Variants in ARHGAP4 observed in about 807,000 individuals in gnomAD.
ARHGAP4 encodes the protein Rho GTPase activating protein 4, also known as rho GTPase-activating protein 4.
ARHGAP4 carries 25 observed loss-of-function variants against 67.6 expected under a neutral mutation model. That is an observed-to-expected ratio of 0.37 (90% CI 0.27 to 0.52). The LOEUF (loss-of-function observed/expected upper bound fraction) is 0.52, where lower values mean the gene tolerates loss of function less well. ARHGAP4 is among the 20% of genes least tolerant of loss of function. ARHGAP4 has a pLI of 0.92. For synonymous variants in ARHGAP4, 448 were observed against 373.7 expected, an observed-to-expected ratio of 1.20 and a Z score of -2.29; for missense variants, 804 against 854.6, an observed-to-expected ratio of 0.94 and a Z score of 0.74.
In ARHGAP4 at chrX:153,907,590, C is replaced by T. The variant is rs1444054074; in HGVS notation, c.*139G>A. ...GAGCGGGCATCCCTGTGTGCACGGC[C>T]CCATCCCACCTCTCTGCACAGGGTG... is the stretch of plus-strand genomic sequence containing the variant. On this transcript the variant is annotated 3_prime_UTR_variant, in exon 22 of 22. Coordinates refer to ENST00000350060, the MANE Select transcript of ARHGAP4 (RefSeq NM_001666.5). 2 of 369,232 alleles carry T rather than the reference C, an allele frequency of 5.4e-6. No homozygotes were observed. The highest frequency in any genetic ancestry group is 5.1e-5 in the African/African-American group (2 of 39,026). The allele number at this position is 369,232 out of a possible 1,213,427, so 30.4% of individuals were successfully genotyped here.
At position 153,921,631 on chromosome X, in the gene ARHGAP4, C is replaced by G; in HGVS notation, c.246G>C (p.Gly82=). 8.3e-7 allele frequency: 1 copy of G among 1,209,613 alleles called. No individual in the cohort carries two copies. The highest frequency in any genetic ancestry group is 1.1e-6 in the Non-Finnish European group (1 of 894,799). ...ERFSSRGGRL[G]SSREHQSFRK... is the part of the protein sequence containing the mutation. ...GGAAGCTTTGGTGCTCCCGGCTGCT[C>G]CCCAGGCGGCCTCCACGGCTGGAGA... The change falls in exon 2 of 22, where the codon GGG becomes GGC. Residue 82 remains glycine, a synonymous_variant. Coordinates refer to ENST00000350060, the MANE Select transcript of ARHGAP4 (RefSeq NM_001666.5).
intron 15 of ARHGAP4, 34 bp downstream of exon 15, chrX:153,910,666 G>A (rs1557102921): frequency 8.5e-7 from 1 of 1,178,718 alleles, no homozygotes; most frequent in Non-Finnish European, 1.1e-6. Context: ...CCCAGCAAGT[G>A]CCCTACCCCG....
Position 153,918,907 on chromosome X carries a change from G to C in ARHGAP4, c.957C>G (p.Ala319=), listed in dbSNP as rs782617988. 1 of 1,210,790 alleles carries C rather than the reference G, an allele frequency of 8.3e-7. No homozygotes were observed. The highest frequency in any genetic ancestry group is 1.1e-6 in the Non-Finnish European group (1 of 895,324). ...VEALDPPGDK[A]KVLEVHATVF... is the part of the protein sequence containing the mutation. Reference sequence around the variant, plus strand: ...CGGTAGCATGCACCTCGAGAACCTTGGCTTTGTCCCCTGGAGGATCCAGGG... The same window carrying C: ...CGGTAGCATGCACCTCGAGAACCTTCGCTTTGTCCCCTGGAGGATCCAGGG... Residue 319 remains alanine (A), a synonymous_variant, in exon 7 of 22, where the codon GCC becomes GCG. Transcript: ENST00000350060.
intron 5 of ARHGAP4, 169 bp from the exon 6 acceptor site, chrX:153,919,452 A>G (rs1231392621): frequency 1.3e-5 from 14 of 1,112,270 alleles, no homozygotes; most frequent in Non-Finnish European, 1.7e-5. Flanking sequence ...CAGTGTGCTC[A>G]GCCCAGTGCC....
At position 153,907,974 on chromosome X, in the gene ARHGAP4, G is replaced by A. The variant is rs1006884229; in HGVS notation, c.2608-12C>T. ...TTCTGTGCCACAGCCTAGCGGAGGG[G>A]AAAGAAAGGGAGAGTGACCAGTGAG... On this transcript the variant is annotated splice_polypyrimidine_tract_variant and intron_variant, in intron 21 of 21. Coordinates refer to ENST00000350060, the MANE Select transcript of ARHGAP4 (RefSeq NM_001666.5). The A allele has an allele frequency of 7.1e-6, 8 of 1,134,709 alleles. No homozygotes were observed. The African/African-American group carries it at 1.5e-4, about 21-fold the overall frequency. 93.5% of individuals were successfully genotyped at this position (1,134,709 alleles called of 1,213,427 possible).
chrX:153,921,127 C>T lies in ARHGAP4; in HGVS notation c.468G>A (p.Glu156=), dbSNP rs1557105194. ...GGAGCTCTGAGACCACCTCCAGGAG[C>T]TCATCCTGCAGCTGCTGCTCCAGAT... ...SRDLEQQLQD[E]LLEVVSELQT... The change falls in exon 4 of 22, where the codon GAG becomes GAA. Residue 156 remains glutamate (E), a synonymous_variant. Coordinates refer to ENST00000350060, the MANE Select transcript of ARHGAP4 (RefSeq NM_001666.5). 2 of 1,204,477 alleles carry T rather than the reference C, an allele frequency of 1.7e-6. No individual in the cohort carries two copies. The highest frequency in any genetic ancestry group is 2.2e-6 in the Non-Finnish European group (2 of 891,523).
Position 153,921,513 on chromosome X carries a change from A to T in ARHGAP4, c.287T>A (p.Leu96His), listed in dbSNP as rs1557105318. The change falls in exon 3 of 22, where the codon CTC becomes CAC. Residue 96 changes from leucine to histidine, a missense_variant. Leu to His is a moderately conservative substitution (Grantham distance 99, BLOSUM62 -3). This residue lies in a region of ARHGAP4 where 404 missense variants were observed against 505.9 expected (regional missense o/e 0.80). Transcript: ENST00000350060. ...CGCCCAGCAGTGCAAGGGCGACAGG[A>T]GGGACGGCTCCTTCCTGGGGGTAGA... ...EHQSFRKEPS[L>H]LSPLHCWAVL... 3.3e-6 allele frequency: 4 copies of T among 1,194,533 alleles called. No individual in the cohort carries two copies. Among genetic ancestry groups the T allele is most frequent in the Non-Finnish European group, 4.5e-6 (4 of 886,382 alleles).
chrX:153,917,846 T>G (rs1219346793), intron 7 of ARHGAP4, among the ~76,000 whole-genome samples: 9 of 111,746 alleles, frequency 8.1e-5, no homozygotes, highest in African/African-American at 2.9e-4. Flanking sequence ...AAAATAAGGG[T>G]ATCAAACTAA....
chrX:153,926,035 G>A, intron 1 of ARHGAP4, 101 bp downstream of exon 1: 1 of 1,085,667 alleles, frequency 9.2e-7, no homozygotes, highest in South Asian at 2.0e-5. Flanking sequence ...GGTCGCTGGG[G>A]AGAGCATCGG....
rs782216658 is a variant in ARHGAP4 at position 153,909,815 on chromosome X, C to T, written c.2340G>A (p.Ser780=). The T allele has an allele frequency of 1.7e-6, 2 of 1,202,945 alleles. No individual in the cohort carries two copies. Among genetic ancestry groups the T allele is most frequent in the South Asian group, 1.8e-5 (1 of 55,667 alleles). The change falls in exon 19 of 22, where the codon TCG becomes TCA. Residue 780 remains serine (S), a synonymous_variant. Transcript: ENST00000350060. ...GDVLRLHERA[S]SDWWRGEHNG... is the part of the protein sequence containing the mutation. ...TGTGCTCCCCCCGCCACCAGTCGCT[C>T]GAGGCCCTCTCGTGCAGCCGCAGTA...
chrX:153,909,801 C>G lies in ARHGAP4; in HGVS notation c.2354G>C (p.Arg785Pro). ...GCCCCGCATGCCGTTGTGCTCCCCCCGCCACCAGTCGCTCGAGGCCCTCTC... is the reference window on the plus strand; with the variant it reads ...GCCCCGCATGCCGTTGTGCTCCCCCGGCCACCAGTCGCTCGAGGCCCTCTC... ...LHERASSDWW[R>P]GEHNGMRGLI... The change falls in exon 19 of 22, where the codon CGG (arginine) becomes CCG (proline). Residue 785 changes from arginine to proline, a missense_variant. Arg to Pro is a moderately radical substitution (Grantham distance 103). Around this residue, in one of 2 missense-constraint regions of ARHGAP4, gnomAD observed 400 missense variants for 348.7 expected, o/e 1.15. Coordinates refer to ENST00000350060, the MANE Select transcript of ARHGAP4 (RefSeq NM_001666.5). The G allele has an allele frequency of 8.3e-7, 1 of 1,201,661 alleles. No homozygotes were observed. The highest frequency in any genetic ancestry group is 1.1e-6 in the Non-Finnish European group (1 of 891,168).
chrX:153,911,930 A>G (rs74833747), intron 12 of ARHGAP4, among the ~76,000 whole-genome samples: 1,920 of 107,012 alleles, frequency 0.018, 59 homozygotes, highest in African/African-American at 0.06. Flanking sequence ...AAAAAAAAAA[A>G]AAAGAAAGAA....
rs1557103877 is a variant in ARHGAP4 at position 153,913,886 on chromosome X, A to T, written c.1033-7T>A. 1.7e-6 allele frequency: 2 copies of T among 1,206,757 alleles called. No individual in the cohort carries two copies. Among genetic ancestry groups the T allele is most frequent in the African/African-American group, 3.5e-5 (2 of 57,500 alleles). ...CAACGCAGATCTCAGCCACCTGCAG[A>T]GGGCGGCGGCCAGGGGGCTAAGGGC... On this transcript the variant is annotated splice_region_variant and splice_polypyrimidine_tract_variant and intron_variant, in intron 7 of 21. Coordinates refer to ENST00000350060, the MANE Select transcript of ARHGAP4 (RefSeq NM_001666.5).
chrX:153,926,116 A>AGCGCCCG lies in ARHGAP4; in HGVS notation c.67+13_67+19dup. ...GGTTCTCCGCAGGAAACGGGCCGGG[A>AGCGCCCG]GCGCCCGGCGCCCTCTCACCTTTGA... On this transcript the variant is annotated intron_variant, in intron 1 of 21. Transcript: ENST00000350060. 8.3e-7 allele frequency: 1 copy of AGCGCCCG among 1,202,126 alleles called. No homozygotes were observed. Among genetic ancestry groups the AGCGCCCG allele is most frequent in the Non-Finnish European group, 1.1e-6 (1 of 890,541 alleles).
intron 7 of ARHGAP4, 77 bp from the exon 8 acceptor site, chrX:153,913,956 G>A (rs2065038758): frequency 2.1e-6 from 2 of 952,378 alleles, no homozygotes; most frequent in East Asian, 6.4e-5. Context: ...CATAAGGGAA[G>A]CAAGCACCCT....
intron 1 of ARHGAP4, among the ~76,000 whole-genome samples, chrX:153,925,921 G>C (rs782574459): frequency 8.8e-6 from 1 of 113,145 alleles, no homozygotes; most frequent in African/African-American, 3.2e-5. Flanking sequence ...ACCAAAGGAA[G>C]GAAGACAGGA....
chrX:153,911,742 C>A (rs1003679968), intron 12 of ARHGAP4, among the ~76,000 whole-genome samples: 2 of 110,473 alleles, frequency 1.8e-5, no homozygotes, highest in Non-Finnish European at 3.8e-5. Flanking sequence ...TGAAACCTCA[C>A]CTCTACTAAA....
chrX:153,917,109 A>G (rs5987181), intron 7 of ARHGAP4, among the ~76,000 whole-genome samples: 49,570 of 110,329 alleles, frequency 0.45, 10,116 homozygotes, highest in African/African-American at 0.77. Flanking sequence ...CCAGCTACTC[A>G]GGAGGCTGAG....
chrX:153,908,853 G>A (rs1487317172), intron 21 of ARHGAP4, among the ~76,000 whole-genome samples: 5 of 111,851 alleles, frequency 4.5e-5, no homozygotes, highest in Admixed American at 9.4e-5. Flanking sequence ...CCCTGCCTCC[G>A]TAGCCGTCCC....
Sources: gnomAD v4.1 joint callset for allele counts (sites outside exome capture counted in the v4.1 genomes callset) on GRCh38, gnomAD v4.1.1 for gene constraint, gnomAD v4.1.1 regional missense constraint, MANE v1.5 for transcripts, NCBI Gene and HGNC (gene_info 2026-07-23, HGNC 2026-07-21) for gene names.